Variants in ZNF74 observed in about 807,000 individuals in gnomAD.
The protein encoded by ZNF74 is zinc finger protein 520.
ZNF74 carries 12 observed loss-of-function variants against 17.7 expected under a neutral mutation model. The observed-to-expected ratio is 0.68, with a 90% CI of 0.43 to 1.10. The LOEUF (loss-of-function observed/expected upper bound fraction) is 1.10, where lower values mean the gene tolerates loss of function less well. Ranked by LOEUF, ZNF74 falls within the 50% of genes least tolerant of loss-of-function variation. The pLI is 0.00. For missense variants in ZNF74, 811 were observed against 881.0 expected (o/e 0.92, Z 1.01); for synonymous variants, 358 against 362.1 (o/e 0.99, Z 0.13).
In ZNF74 at chr22:20,405,458, C is replaced by T. The variant is rs774656137; in HGVS notation, c.425C>T (p.Pro142Leu). ...GCCCAGGAGCCCATCATGGAGCGGCCCCTCGGCGGGGCGCAGGCGTGGGGG... is the reference window on the plus strand; with the variant it reads ...GCCCAGGAGCCCATCATGGAGCGGCTCCTCGGCGGGGCGCAGGCGTGGGGG... ...EPAQEPIMERPLGGAQAWGRQ... is the reference protein window; with the variant it reads ...EPAQEPIMERLLGGAQAWGRQ... Residue 142 changes from proline (P) to leucine (L), a missense_variant, in exon 5 of 5, where the codon CCC becomes CTC. Transcript: ENST00000400451. 1 of 1,612,828 alleles carries T rather than the reference C, an allele frequency of 6.2e-7. No individual in the cohort carries two copies. Among genetic ancestry groups the T allele is most frequent in the Non-Finnish European group, 8.5e-7 (1 of 1,179,690 alleles).
rs138213404 is a variant in ZNF74 at position 20,405,155 on chromosome 22, C to T, written c.344-222C>T. 2.1e-3 allele frequency among the ~76,000 whole-genome samples: 317 copies of T among 152,306 alleles called. 3 individuals are homozygous for T. The highest frequency in any genetic ancestry group is 7.4e-3 in the African/African-American group (306 of 41,560). On this transcript the variant is annotated intron_variant, in intron 4 of 4. Transcript: ENST00000400451. Reference sequence around the variant, plus strand: ...TTCTCCGCCTCTCCCGGTCTTTGCTCTCTGGTAGCTCCTTCCGTGTTCTTC... The same window carrying T: ...TTCTCCGCCTCTCCCGGTCTTTGCTTTCTGGTAGCTCCTTCCGTGTTCTTC...
At chr22:20,399,741 C>A in intron 2 of ZNF74, 1 of 221,112 alleles carries the variant, frequency 4.5e-6, no homozygotes, top group South Asian at 4.8e-5. Context: ...GCGTGAGCCA[C>A]CCCACCCGGC....
Position 20,400,730 on chromosome 22 carries a change from G to A in ZNF74, c.219G>A (p.Leu73=), listed in dbSNP as rs200694386. Residue 73 remains leucine, a synonymous_variant, in exon 3 of 5, where the codon TTG becomes TTA. Transcript: ENST00000400451. ...PQRALYRDVM[L]ENYQNLLALG... Reference sequence around the variant, plus strand: ...GGGCCTTGTACCGGGATGTGATGTTGGAGAACTACCAGAACCTTCTTGCCC... The same window carrying A: ...GGGCCTTGTACCGGGATGTGATGTTAGAGAACTACCAGAACCTTCTTGCCC... The A allele has an allele frequency of 6.2e-6, 10 of 1,614,136 alleles. No homozygotes were observed. The highest frequency in any genetic ancestry group is 8.5e-6 in the Non-Finnish European group (10 of 1,180,006).
At chr22:20,400,480 G>C in intron 2 of ZNF74, 152 bp from the exon 3 acceptor site, 1 of 858,504 alleles carries the variant, frequency 1.2e-6, no homozygotes, top group Non-Finnish European at 1.9e-6. Flanking sequence ...CCCGAATTCA[G>C]TCATGGTCAG....
In ZNF74 at chr22:20,395,517, C is replaced by G. The variant is rs1015050290; in HGVS notation, c.120+99C>G. The G allele has an allele frequency of 3.4e-6, 3 of 890,460 alleles. No individual in the cohort carries two copies. In the African/African-American group the frequency reaches 5.0e-5, roughly 15 times the overall value. The allele number at this position is 890,460 out of a possible 1,614,324, so 55.2% of individuals were successfully genotyped here. ...CTTCCACAGACCTTCACCCGGGTACCTGCTGGCCAGTCCTCAGGAAGCTCT... is the reference window on the plus strand; with the variant it reads ...CTTCCACAGACCTTCACCCGGGTACGTGCTGGCCAGTCCTCAGGAAGCTCT... On this transcript the variant is annotated intron_variant, in intron 2 of 4. Transcript: ENST00000400451.
In ZNF74 at chr22:20,406,098, C is replaced by T. The variant is rs1240595737; in HGVS notation, c.1065C>T (p.Thr355=). ...SLLSMHLRVH[T]GEKPYRCGEC... Reference sequence around the variant, plus strand: ...TCAGCATGCACCTGCGGGTGCACACCGGCGAGAAGCCCTACCGGTGCGGCG... The same window carrying T: ...TCAGCATGCACCTGCGGGTGCACACTGGCGAGAAGCCCTACCGGTGCGGCG... The change falls in exon 5 of 5, where the codon ACC becomes ACT. Residue 355 remains threonine (T), a synonymous_variant. Transcript: ENST00000400451. 2 of 1,612,978 alleles carry T rather than the reference C, an allele frequency of 1.2e-6. No homozygotes were observed. Among genetic ancestry groups the T allele is most frequent in the Non-Finnish European group, 1.7e-6 (2 of 1,179,674 alleles).
chr22:20,405,483 G>C lies in ZNF74; in HGVS notation c.450G>C (p.Gly150=), dbSNP rs1569095503. The C allele has an allele frequency of 6.2e-7, 1 of 1,608,506 alleles. No homozygotes were observed. Among genetic ancestry groups the C allele is most frequent in the Non-Finnish European group, 8.5e-7 (1 of 1,178,318 alleles). ...CCCTCGGCGGGGCGCAGGCGTGGGG[G>C]CGCCAGGCAGGTGCTCTGCAGAGGA... The part of the protein sequence containing the change: ...ERPLGGAQAW[G]RQAGALQRSQ... Residue 150 remains glycine (G), a synonymous_variant, in exon 5 of 5, where the codon GGG becomes GGC. Transcript: ENST00000400451.
intron 2 of ZNF74, among the ~76,000 whole-genome samples, chr22:20,397,250 G>C (rs2052305600): frequency 6.6e-6 from 1 of 151,912 alleles, no homozygotes; most frequent in South Asian, 2.1e-4. Flanking sequence ...TTGGAGCCTT[G>C]TTTCAGCCCA....
In ZNF74 at chr22:20,394,761, C is replaced by CTTT. The variant is rs112010963; in HGVS notation, c.34+112_34+114dup. The CTTT allele has an allele frequency of 6.5e-4, 593 of 909,482 alleles. 8 individuals are homozygous for CTTT. Among genetic ancestry groups the CTTT allele is most frequent in the Non-Finnish European group, 7.6e-4 (466 of 613,400 alleles). 56.3% of individuals were successfully genotyped at this position (909,482 alleles called of 1,614,324 possible). ...CCAGTTTCCCAGAAGCATCCAGCAT[C>CTTT]TTTTTTTTTTTTTTTAAATGGAATC... On this transcript the variant is annotated intron_variant, in intron 1 of 4. Coordinates refer to ENST00000400451, the MANE Select transcript of ZNF74 (RefSeq NM_003426.4).
Position 20,405,471 on chromosome 22 carries a change from G to A in ZNF74, c.438G>A (p.Ala146=), listed in dbSNP as rs759593493. Residue 146 remains alanine, a synonymous_variant, in exon 5 of 5, where the codon GCG becomes GCA. Coordinates refer to ENST00000400451, the MANE Select transcript of ZNF74 (RefSeq NM_003426.4). ...TCATGGAGCGGCCCCTCGGCGGGGC[G>A]CAGGCGTGGGGGCGCCAGGCAGGTG... ...EPIMERPLGG[A]QAWGRQAGAL... 4.3e-6 allele frequency: 7 copies of A among 1,610,674 alleles called. No homozygotes were observed. In the East Asian group the frequency reaches 1.1e-4, roughly 26 times the overall value.
Position 20,406,504 on chromosome 22 carries a change from C to T in ZNF74, c.1471C>T (p.Arg491Trp), listed in dbSNP as rs571673584. ...CTCCCACGCCTACCTCATCGTGCAC[C>T]GGCGCATCCACACAGGCGAGAAGCC... Reference protein sequence around the residue: ...FSSHAYLIVHRRIHTGEKPFD... With the variant: ...FSSHAYLIVHWRIHTGEKPFD... The change falls in exon 5 of 5, where the codon CGG becomes TGG. Residue 491 changes from arginine to tryptophan, a missense_variant. Arg to Trp is a moderately radical substitution (Grantham distance 101). Coordinates refer to ENST00000400451, the MANE Select transcript of ZNF74 (RefSeq NM_003426.4). 16 of 1,614,068 alleles carry T rather than the reference C, an allele frequency of 9.9e-6. No individual in the cohort carries two copies. The South Asian group carries it at 1.6e-4, about 17-fold the overall frequency.
intron 2 of ZNF74, among the ~76,000 whole-genome samples, chr22:20,396,280 T>C (rs1210137220): frequency 6.6e-6 from 1 of 152,046 alleles, no homozygotes; most frequent in African/African-American, 2.4e-5. Context: ...TGTGCCTCAC[T>C]TCTGTAGTGT....
intron 2 of ZNF74, chr22:20,399,571 C>CTT (rs362136): frequency 0.053 from 17,903 of 337,778 alleles, 11 homozygotes; most frequent in South Asian, 0.078. Flanking sequence ...TTTACATGTC[C>CTT]TTTTTTTTTT....
Position 20,400,939 on chromosome 22 carries a change from G to A in ZNF74, c.247+181G>A. 3 of 678,354 alleles carry A rather than the reference G, an allele frequency of 4.4e-6. No homozygotes were observed. In the Middle Eastern group the frequency reaches 9.3e-4, roughly 210 times the overall value. 42.0% of individuals were successfully genotyped at this position (678,354 alleles called of 1,614,324 possible). Reference sequence around the variant, plus strand: ...TCGGCCACGCCAGAAGTCCCCAAGGGACAGCGTGGGAGCTGGTAGCATCCT... The same window carrying A: ...TCGGCCACGCCAGAAGTCCCCAAGGAACAGCGTGGGAGCTGGTAGCATCCT... On this transcript the variant is annotated intron_variant, in intron 3 of 4. Coordinates refer to ENST00000400451, the MANE Select transcript of ZNF74 (RefSeq NM_003426.4).
In ZNF74 at chr22:20,407,034, C is replaced by T; in HGVS notation, c.*66C>T. On this transcript the variant is annotated 3_prime_UTR_variant, in exon 5 of 5. Coordinates refer to ENST00000400451, the MANE Select transcript of ZNF74 (RefSeq NM_003426.4). Reference sequence around the variant, plus strand: ...TCAACAAGGAAAGCACCCTGGTCCTCCCTGGCTCCTAGATCCAGACCACCT... The same window carrying T: ...TCAACAAGGAAAGCACCCTGGTCCTTCCTGGCTCCTAGATCCAGACCACCT... 6.6e-7 allele frequency: 1 copy of T among 1,509,160 alleles called. No homozygotes were observed. The highest frequency in any genetic ancestry group is 2.2e-5 in the Admixed American group (1 of 46,260). 93.5% of individuals were successfully genotyped at this position (1,509,160 alleles called of 1,614,324 possible). A position where few individuals can be genotyped will look rare whatever the true frequency, so the allele number is the denominator to read the frequency against.
intron 2 of ZNF74, among the ~76,000 whole-genome samples, chr22:20,398,939 G>T (rs921798876): frequency 6.6e-6 from 1 of 151,996 alleles, no homozygotes; most frequent in Middle Eastern, 3.4e-3. Context: ...TGTTATTTCA[G>T]AATGTGTTGT....
In ZNF74 at chr22:20,405,570, C is replaced by T. The variant is rs1417642722; in HGVS notation, c.537C>T (p.Phe179=). 6.2e-7 allele frequency: 1 copy of T among 1,610,540 alleles called. No individual in the cohort carries two copies. The highest frequency in any genetic ancestry group is 8.5e-7 in the Non-Finnish European group (1 of 1,178,198). ...TCTGGGACGTCCCTGTAGAGGAATT[C>T]CCCCTCAGGTGTCCCCTCTTCGCCC... ...AMVWDVPVEE[F]PLRCPLFAQQ... The change falls in exon 5 of 5, where the codon TTC becomes TTT. Residue 179 remains phenylalanine (F), a synonymous_variant. Transcript: ENST00000400451.
chr22:20,397,411 A>C (rs2052307362), intron 2 of ZNF74, among the ~76,000 whole-genome samples: 1 of 152,188 alleles, frequency 6.6e-6, no homozygotes, highest in Non-Finnish European at 1.5e-5. Flanking sequence ...TATATACAGC[A>C]CAGTTGTACA....
In ZNF74 at chr22:20,397,402, A is replaced by G. The variant is rs112746024; in HGVS notation, c.120+1984A>G. On this transcript the variant is annotated intron_variant, in intron 2 of 4. Coordinates refer to ENST00000400451, the MANE Select transcript of ZNF74 (RefSeq NM_003426.4). ...GTAAGGTTTTATTGAGGTGTAATTTATATACAGCACAGTTGTACAATTTTA... is the reference window on the plus strand; with the variant it reads ...GTAAGGTTTTATTGAGGTGTAATTTGTATACAGCACAGTTGTACAATTTTA... Among the ~76,000 whole-genome samples, 17 of 152,328 alleles carry G rather than the reference A, an allele frequency of 1.1e-4. 1 individual carries two copies. Among genetic ancestry groups the G allele is most frequent in the African/African-American group, 3.1e-4 (13 of 41,584 alleles).
Sources: gnomAD v4.1 joint callset for allele counts (sites outside exome capture counted in the v4.1 genomes callset) on GRCh38, gnomAD v4.1.1 for gene constraint, MANE v1.5 for transcripts, NCBI Gene and HGNC (gene_info 2026-07-23, HGNC 2026-07-21) for gene names.